RPTN: variants seen among roughly 807,000 people sequenced by gnomAD.
RPTN encodes the protein intermediate filament-associated protein.
A neutral mutation model predicts 3.6 loss-of-function variants in RPTN; 4 were observed. The ratio of observed to expected loss-of-function variants is 1.12; its 90% CI spans 0.55 to 2.55. The LOEUF is 2.55. RPTN is among the 30% of genes most tolerant of loss of function. RPTN has a pLI of 0.02. For synonymous variants in RPTN, 293 were observed against 319.3 expected, an observed-to-expected ratio of 0.92 and a Z score of 0.88; for missense variants, 860 against 916.7, an observed-to-expected ratio of 0.94 and a Z score of 0.80.
chr1:152,155,182 C>T lies in RPTN; in HGVS notation c.1917G>A (p.Arg639=), dbSNP rs771356395. The change falls in exon 3 of 3, where the codon AGG becomes AGA. Residue 639 remains arginine, a synonymous_variant. Transcript: ENST00000316073. The part of the protein sequence containing the change: ...YQNQGQGFQS[R]DSQQNGHQVW... ...CCTGGTGGCCGTTCTGCTGTGAGTC[C>T]CTAGACTGGAATCCCTGTCCCTGGT... 4 of 1,614,204 alleles carry T rather than the reference C, an allele frequency of 2.5e-6. No homozygotes were observed. In the Admixed American group the frequency reaches 6.7e-5, roughly 27 times the overall value.
At chr1:152,157,267 C>T (rs1387528467) in intron 2 of RPTN, among the ~76,000 whole-genome samples, 1 of 152,018 alleles carries the variant, frequency 6.6e-6, no homozygotes, top group Non-Finnish European at 1.5e-5. Flanking sequence ...GTTGTTTAGC[C>T]CCTTTTGTTT....
At position 152,156,539 on chromosome 1, in the gene RPTN, C is replaced by G; in HGVS notation, c.560G>C (p.Arg187Thr). ...ATCAAAGCTGAAATCCTTGTCTTGTCTCTCAGACTGATTGTGGTGAGAATC... is the reference window on the plus strand; with the variant it reads ...ATCAAAGCTGAAATCCTTGTCTTGTGTCTCAGACTGATTGTGGTGAGAATC... ...DRDSHHNQSE[R>T]QDKDFSFDQS... The change falls in exon 3 of 3, where the codon AGA becomes ACA. Residue 187 changes from arginine (R) to threonine (T), a missense_variant. Transcript: ENST00000316073. The G allele has an allele frequency of 6.2e-7, 1 of 1,614,232 alleles. No individual in the cohort carries two copies. Among genetic ancestry groups the G allele is most frequent in the Non-Finnish European group, 8.5e-7 (1 of 1,180,038 alleles).
Position 152,156,699 on chromosome 1 carries a change from G to C in RPTN, c.400C>G (p.His134Asp), listed in dbSNP as rs1297113442. The C allele has an allele frequency of 6.2e-7, 1 of 1,613,848 alleles. No homozygotes were observed. The highest frequency in any genetic ancestry group is 8.5e-7 in the Non-Finnish European group (1 of 1,179,954). Residue 134 changes from histidine to aspartate, a missense_variant, in exon 3 of 3, where the codon CAC becomes GAC. Transcript: ENST00000316073. ...CCGTCTTGTCTCTCAGGCTGACTGT[G>C]GTGGGAGTTCTGCCTTTCTTCCTCG... ...RHEEERQNSH[H>D]SQPERQDGDS... is the part of the protein sequence containing the mutation.
chr1:152,155,621 T>A lies in RPTN; in HGVS notation c.1478A>T (p.Gln493Leu). 1 of 1,597,014 alleles carries A rather than the reference T, an allele frequency of 6.3e-7. No individual in the cohort carries two copies. The highest frequency in any genetic ancestry group is 8.6e-7 in the Non-Finnish European group (1 of 1,167,522). Residue 493 changes from glutamine to leucine, a missense_variant, in exon 3 of 3, where the codon CAA becomes CTA. Transcript: ENST00000316073. ...QSSHYGKIDR[Q>L]DQSYHYGQPD... ...CTGACCATAATGATAACTCTGGTCT[T>A]GTCTGTCTATCTTACCATAGTGGGA...
intron 1 of RPTN, among the ~76,000 whole-genome samples, chr1:152,158,924 T>G (rs1012898163): frequency 6.6e-6 from 1 of 152,218 alleles, no homozygotes; most frequent in Non-Finnish European, 1.5e-5. Flanking sequence ...TATGGGAGAC[T>G]AAGCTATTCA....
chr1:152,159,059 G>C (rs1659256265), intron 1 of RPTN, 125 bp downstream of exon 1: 2 of 152,756 alleles, frequency 1.3e-5, no homozygotes, highest in South Asian at 4.1e-4. Flanking sequence ...GCCAGAAAAA[G>C]GAAGCAGAAG....
chr1:152,157,869 G>A lies in RPTN; in HGVS notation c.21C>T (p.Ser7=), dbSNP rs1659238742. The A allele has an allele frequency of 5.6e-6, 9 of 1,613,700 alleles. No homozygotes were observed. In the South Asian group the frequency reaches 7.7e-5, roughly 14 times the overall value. MAQLLN[S]ILSVIDVFHK... Reference sequence around the variant, plus strand: ...GGAATACGTCAATCACACTGAGTATGCTATTCAGGAGTTGAGCCATTTTGA... The same window carrying A: ...GGAATACGTCAATCACACTGAGTATACTATTCAGGAGTTGAGCCATTTTGA... The change falls in exon 2 of 3, where the codon AGC becomes AGT. Residue 7 remains serine (S), a synonymous_variant. Coordinates refer to ENST00000316073, the MANE Select transcript of RPTN (RefSeq NM_001122965.1).
Position 152,154,573 on chromosome 1 carries a change from G to T in RPTN, c.*171C>A. 2.1e-6 allele frequency: 2 copies of T among 935,964 alleles called. No homozygotes were observed. Among genetic ancestry groups the T allele is most frequent in the Non-Finnish European group, 1.6e-6 (1 of 614,110 alleles). 58.0% of individuals were successfully genotyped at this position (935,964 alleles called of 1,614,324 possible). A position where few individuals can be genotyped will look rare whatever the true frequency, so the allele number is the denominator to read the frequency against. On this transcript the variant is annotated 3_prime_UTR_variant, in exon 3 of 3. Transcript: ENST00000316073. Reference sequence around the variant, plus strand: ...ATGGTTCAGTGTGTCTTTTCTGTGAGCCTTGGCTCTGGTCATCCTCTTTCA... The same window carrying T: ...ATGGTTCAGTGTGTCTTTTCTGTGATCCTTGGCTCTGGTCATCCTCTTTCA...
Position 152,155,007 on chromosome 1 carries a change from C to G in RPTN, c.2092G>C (p.Gly698Arg). ...TCTGCCCAGTGGCTCAGCCCCTCAC[C>G]ATGACTCTGCCTGGTCTGGGCCTGT... is the stretch of plus-strand genomic sequence containing the variant. ...HRQAQTRQSHGEGLSHWAEEE... is the reference protein window; with the variant it reads ...HRQAQTRQSHREGLSHWAEEE... Residue 698 changes from glycine to arginine, a missense_variant, in exon 3 of 3, where the codon GGT becomes CGT. Coordinates refer to ENST00000316073, the MANE Select transcript of RPTN (RefSeq NM_001122965.1). 1 of 1,613,866 alleles carries G rather than the reference C, an allele frequency of 6.2e-7. No homozygotes were observed. Among genetic ancestry groups the G allele is most frequent in the Non-Finnish European group, 8.5e-7 (1 of 1,179,784 alleles).
In RPTN at chr1:152,154,429, G is replaced by A. The variant is rs1201392363; in HGVS notation, c.*315C>T. ...CTGGTGCTCACATAGCCTAGTATGG[G>A]TAGGATTTCTGCTCTTGCACATAGT... On this transcript the variant is annotated 3_prime_UTR_variant, in exon 3 of 3. Transcript: ENST00000316073. 4.5e-6 allele frequency: 2 copies of A among 445,120 alleles called. No individual in the cohort carries two copies. Among genetic ancestry groups the A allele is most frequent in the East Asian group, 4.0e-5 (1 of 24,908 alleles). 27.6% of individuals were successfully genotyped at this position (445,120 alleles called of 1,614,324 possible). A position where few individuals can be genotyped will look rare whatever the true frequency, so the allele number is the denominator to read the frequency against.
chr1:152,156,432 C>A lies in RPTN; in HGVS notation c.667G>T (p.Gly223Ter), dbSNP rs761603806. 1.2e-6 allele frequency: 2 copies of A among 1,614,198 alleles called. No individual in the cohort carries two copies. Among genetic ancestry groups the A allele is most frequent in the South Asian group, 2.2e-5 (2 of 91,088 alleles). ...KSTSGQAKWQ[G>*]HIFALNRCEK... ...CACCGATTTAAGGCAAAGATATGTC[C>A]CTGCCATTTAGCCTGGCCACTGGTA... Residue 223 changes from glycine to a stop codon, truncating the protein, a stop_gained, in exon 3 of 3, where the codon GGA becomes TGA. Coordinates refer to ENST00000316073, the MANE Select transcript of RPTN (RefSeq NM_001122965.1). LOFTEE classifies it low-confidence loss of function (END_TRUNC).
In RPTN at chr1:152,157,690, T is replaced by A. The variant is rs559196494; in HGVS notation, c.138+62A>T. ...CCAAATAAAACAAAGCATCCAACCC[T>A]GGTGCAGGTGTCAGAGTCATTCACA... On this transcript the variant is annotated intron_variant, in intron 2 of 2. Coordinates refer to ENST00000316073, the MANE Select transcript of RPTN (RefSeq NM_001122965.1). The A allele has an allele frequency of 2.8e-5, 44 of 1,585,832 alleles. No individual in the cohort carries two copies. In the South Asian group the frequency reaches 4.8e-4, roughly 17 times the overall value.
rs1659165069 is a variant in RPTN, at chr1:152,155,022, T to G, written c.2077A>C (p.Thr693Pro). 6.2e-7 allele frequency: 1 copy of G among 1,614,202 alleles called. No homozygotes were observed. Among genetic ancestry groups the G allele is most frequent in the South Asian group, 1.1e-5 (1 of 91,082 alleles). The change falls in exon 3 of 3, where the codon ACC becomes CCC. Residue 693 changes from threonine to proline, a missense_variant. By Grantham distance (38) the Thr-to-Pro change is conservative (BLOSUM62 -1). Coordinates refer to ENST00000316073, the MANE Select transcript of RPTN (RefSeq NM_001122965.1). ...SSEQGHRQAQ[T>P]RQSHGEGLSH... ...AGCCCCTCACCATGACTCTGCCTGG[T>G]CTGGGCCTGTCTGTGGCCCTGCTCA...
Position 152,156,436 on chromosome 1 carries a change from C to A in RPTN, c.663G>T (p.Trp221Cys), listed in dbSNP as rs201493782. ...GATTTAAGGCAAAGATATGTCCCTG[C>A]CATTTAGCCTGGCCACTGGTAGATT... ...SHKSTSGQAK[W>C]QGHIFALNRC... The change falls in exon 3 of 3, where the codon TGG becomes TGT. Residue 221 changes from tryptophan to cysteine, a missense_variant. Physicochemically the swap from Trp to Cys is radical, Grantham distance 215 (BLOSUM62 -2). Transcript: ENST00000316073. 3 of 1,614,206 alleles carry A rather than the reference C, an allele frequency of 1.9e-6. No individual in the cohort carries two copies. The highest frequency in any genetic ancestry group is 2.5e-6 in the Non-Finnish European group (3 of 1,180,046).
chr1:152,156,380 T>C lies in RPTN; in HGVS notation c.719A>G (p.Tyr240Cys), dbSNP rs747075645. ...TTGTGTATGTCTTTCAGACTGACCA[T>C]AATGAGAATCCTGAATTGGTTTTTC... ...RCEKPIQDSHYGQSERHTQQS... is the reference protein window; with the variant it reads ...RCEKPIQDSHCGQSERHTQQS... Residue 240 changes from tyrosine to cysteine, a missense_variant, in exon 3 of 3, where the codon TAT becomes TGT. Transcript: ENST00000316073. 26 of 1,614,258 alleles carry C rather than the reference T, an allele frequency of 1.6e-5. No homozygotes were observed. Among genetic ancestry groups the C allele is most frequent in the East Asian group, 2.2e-5 (1 of 44,890 alleles).
rs1659169333 is a variant in RPTN at position 152,155,199 on chromosome 1, G to T, written c.1900C>A (p.Gln634Lys). Residue 634 changes from glutamine (Q) to lysine (K), a missense_variant, in exon 3 of 3, where the codon CAG becomes AAG. Gln to Lys is a moderately conservative substitution (Grantham distance 53). Coordinates refer to ENST00000316073, the MANE Select transcript of RPTN (RefSeq NM_001122965.1). ...TGTGAGTCCCTAGACTGGAATCCCT[G>T]TCCCTGGTTTTGGTACCCTTCCTGT... ...PGQEGYQNQG[Q>K]GFQSRDSQQN... 3 of 1,614,106 alleles carry T rather than the reference G, an allele frequency of 1.9e-6. No individual in the cohort carries two copies.
At position 152,155,149 on chromosome 1, in the gene RPTN, C is replaced by T. The variant is rs1377411593; in HGVS notation, c.1950G>A (p.Glu650=). The T allele has an allele frequency of 3.1e-6, 5 of 1,614,220 alleles. No individual in the cohort carries two copies. In the Admixed American group the frequency reaches 6.7e-5, roughly 22 times the overall value. ...GGTGATGTTGGCTATCCTCTTCAGGCTCCCATACCTGGTGGCCGTTCTGCT... is the reference window on the plus strand; with the variant it reads ...GGTGATGTTGGCTATCCTCTTCAGGTTCCCATACCTGGTGGCCGTTCTGCT... ...DSQQNGHQVW[E]PEEDSQHHQH... Residue 650 remains glutamate (E), a synonymous_variant, in exon 3 of 3, where the codon GAG becomes GAA. Transcript: ENST00000316073.
In RPTN at chr1:152,155,706, G is replaced by A; in HGVS notation, c.1393C>T (p.Gln465Ter). The A allele has an allele frequency of 6.2e-7, 1 of 1,602,906 alleles. No homozygotes were observed. Among genetic ancestry groups the A allele is most frequent in the Non-Finnish European group, 8.5e-7 (1 of 1,170,990 alleles). ...GAACTCTGGCCTTGTCTGTCTGTCT[G>A]ACCATAGTGGGAACTCTGGCCTTGT... is the stretch of plus-strand genomic sequence containing the variant. ...DRQGQSSHYG[Q>*]TDRQGQSSHY... Residue 465 changes from glutamine (Q) to a stop codon, truncating the protein, a stop_gained, in exon 3 of 3, where the codon CAG becomes TAG. Coordinates refer to ENST00000316073, the MANE Select transcript of RPTN (RefSeq NM_001122965.1). LOFTEE classifies it low-confidence loss of function (END_TRUNC).
chr1:152,159,015 G>A (rs1659255822), intron 1 of RPTN, among the ~76,000 whole-genome samples, 169 bp downstream of exon 1: 1 of 152,124 alleles, frequency 6.6e-6, no homozygotes, highest in African/African-American at 2.4e-5. Context: ...CACAGAAGTA[G>A]TCCACCCCAG....
Sources: gnomAD v4.1 joint callset for allele counts (sites outside exome capture counted in the v4.1 genomes callset) on GRCh38, gnomAD v4.1.1 for gene constraint, MANE v1.5 for transcripts, NCBI Gene and HGNC (gene_info 2026-07-23, HGNC 2026-07-21) for gene names.